Variants in RGS11 observed in about 807,000 individuals in gnomAD.
RGS11 encodes the protein regulator of G-protein signaling 11.
Under a neutral mutation model 71.1 loss-of-function variants are expected in RGS11, and 86 were observed. The observed-to-expected ratio is 1.21, with a 90% confidence interval of 1.02 to 1.45. RGS11 has a LOEUF of 1.45. RGS11 is among the 40% of genes most tolerant of loss of function. The pLI is 0.00. For missense variants in RGS11, 734 were observed against 635.1 expected, an observed-to-expected ratio of 1.16 and a Z score of -1.67; for synonymous variants, 298 against 254.2, an observed-to-expected ratio of 1.17 and a Z score of -1.64.
intron 15 of RGS11, chr16:269,902 G>A: frequency 3.3e-6 from 1 of 305,554 alleles, no homozygotes; most frequent in East Asian, 6.8e-5. Flanking sequence ...CAGAGTGAGG[G>A]CAGGGTTGTG....
rs755471668 is a variant in RGS11, at chr16:269,614, C to T, written c.1207-29G>A. The T allele has an allele frequency of 5.2e-6, 8 of 1,533,396 alleles. 1 individual carries two copies. The highest frequency in any genetic ancestry group is 3.4e-5 in the South Asian group (3 of 89,210). The allele number at this position is 1,533,396 out of a possible 1,614,324, so 95.0% of individuals were successfully genotyped here. A position where few individuals can be genotyped will look rare whatever the true frequency, so the allele number is the denominator to read the frequency against. On this transcript the variant is annotated intron_variant, in intron 15 of 16. Transcript: ENST00000397770. ...CAAGAGACAGCGTCCAGCCCCTGACCCTTCTGCCTCCTCACCTCTCAGCCA... is the reference window on the plus strand; with the variant it reads ...CAAGAGACAGCGTCCAGCCCCTGACTCTTCTGCCTCCTCACCTCTCAGCCA...
At chr16:273,869 C>A (rs374446561) in intron 6 of RGS11, 33 bp from the exon 7 acceptor site, 2 of 1,596,286 alleles carry the variant, frequency 1.3e-6, no homozygotes, top group Non-Finnish European at 1.7e-6. Flanking sequence ...TGGGTCACCC[C>A]GGCCCCTGCC....
rs372839428 is a variant in RGS11, at chr16:273,740, G to A, written c.506+20C>T. On this transcript the variant is annotated intron_variant, in intron 7 of 16. Transcript: ENST00000397770. ...TGGGTTGGGCGCCTGCAGGCGGGGC[G>A]GGGCAGGGCGGGGCCTCACCTCAGC... 1.6e-4 allele frequency: 253 copies of A among 1,604,350 alleles called. No individual in the cohort carries two copies. Among genetic ancestry groups the A allele is most frequent in the South Asian group, 7.8e-4 (71 of 90,868 alleles).
Position 274,958 on chromosome 16 carries a change from T to C in RGS11, c.318+18A>G. 6.5e-7 allele frequency: 1 copy of C among 1,542,398 alleles called. No individual in the cohort carries two copies. Among genetic ancestry groups the C allele is most frequent in the South Asian group, 1.2e-5 (1 of 82,682 alleles). ...GGTGGGGGTCCCACCGGCTCCCACCTGCACCCCCGAGCCTGACCTGGAACC... is the reference window on the plus strand; with the variant it reads ...GGTGGGGGTCCCACCGGCTCCCACCCGCACCCCCGAGCCTGACCTGGAACC... On this transcript the variant is annotated intron_variant, in intron 4 of 16. Coordinates refer to ENST00000397770, the MANE Select transcript of RGS11 (RefSeq NM_183337.3).
Position 275,884 on chromosome 16 carries a change from CG to C in RGS11, c.27del (p.Gly10AlafsTer10), listed in dbSNP as rs1383639558. 7.7e-5 allele frequency: 73 copies of C among 950,046 alleles called. No individual in the cohort carries two copies. The highest frequency in any genetic ancestry group is 1.9e-4 in the South Asian group (4 of 20,552). The allele number at this position is 950,046 out of a possible 1,614,324, so 58.9% of individuals were successfully genotyped here. ...TGCGGCATCTGCGCCCGGGGGCGGC[CG>C]GGGGGCGGCGCGGGGCCGGCGGCCA... MAAGPAPP[P>X]GRPRAQMPHL... is the part of the protein sequence containing the mutation. On this transcript the variant is annotated frameshift_variant, in exon 1 of 17. Coordinates refer to ENST00000397770, the MANE Select transcript of RGS11 (RefSeq NM_183337.3). LOFTEE classifies it high-confidence loss of function.
Position 271,452 on chromosome 16 carries a change from G to C in RGS11, c.696C>G (p.Tyr232Ter). Residue 232 changes from tyrosine to a stop codon, truncating the protein, a stop_gained, in exon 11 of 17, where the codon TAC becomes TAG. Transcript: ENST00000397770. LOFTEE classifies it high-confidence loss of function. ...SADFHKREIEYFRKALGRTRV... is the reference protein window; with the variant it reads ...SADFHKREIE ...GGGTCCTGCCCAGCGCTTTCCTGAA[G>C]TACTCGATCTAGGATGTGGGGCCTG... 6.2e-7 allele frequency: 1 copy of C among 1,613,950 alleles called. No individual in the cohort carries two copies. Among genetic ancestry groups the C allele is most frequent in the Non-Finnish European group, 8.5e-7 (1 of 1,180,022 alleles).
intron 3 of RGS11, 32 bp from the exon 4 acceptor site, chr16:275,114 C>T: frequency 1.3e-6 from 2 of 1,481,960 alleles, no homozygotes; most frequent in Admixed American, 2.3e-5. Context: ...AGCGCGGGGC[C>T]GCGGAAGCGG....
At chr16:274,776 G>C (rs755051348) in intron 4 of RGS11, 200 bp downstream of exon 4, 2 of 760,908 alleles carry the variant, frequency 2.6e-6, no homozygotes, top group South Asian at 2.9e-5. Flanking sequence ...CCATCCCTCA[G>C]CCGGGTCCTT....
chr16:273,665 C>G, intron 7 of RGS11, 95 bp downstream of exon 7: 1 of 1,515,114 alleles, frequency 6.6e-7, no homozygotes, highest in Non-Finnish European at 9.1e-7. Context: ...GTGCCCTCCA[C>G]GGTCCCAGGG....
chr16:274,456 C>T (rs1476318931), intron 4 of RGS11, 191 bp from the exon 5 acceptor site: 10 of 629,888 alleles, frequency 1.6e-5, no homozygotes, highest in African/African-American at 5.5e-5. Flanking sequence ...GAGGTCAACT[C>T]GCTCCTTAGG....
At position 271,588 on chromosome 16, in the gene RGS11, G is replaced by C. The variant is rs372183786; in HGVS notation, c.658-19C>G. 39 of 1,613,356 alleles carry C rather than the reference G, an allele frequency of 2.4e-5. No individual in the cohort carries two copies. The highest frequency in any genetic ancestry group is 3.0e-5 in the Non-Finnish European group (35 of 1,179,516). Reference sequence around the variant, plus strand: ...TCTTGGTCTAGAAGGGGATAGGTGGGCTGCAGTTAGATGCAGGTCCCCTGC... The same window carrying C: ...TCTTGGTCTAGAAGGGGATAGGTGGCCTGCAGTTAGATGCAGGTCCCCTGC... On this transcript the variant is annotated intron_variant, in intron 9 of 16. Coordinates refer to ENST00000397770, the MANE Select transcript of RGS11 (RefSeq NM_183337.3).
In RGS11 at chr16:272,077, C is replaced by A. The variant is rs189730312; in HGVS notation, c.658-508G>T. On this transcript the variant is annotated intron_variant, in intron 9 of 16. Coordinates refer to ENST00000397770, the MANE Select transcript of RGS11 (RefSeq NM_183337.3). ...TCTCGAACTCCTGAACTCAGGTGAT[C>A]TGCCCGCCTCAGCCTCCCAAAGTGC... 1.1e-3 allele frequency: 949 copies of A among 828,626 alleles called. 5 individuals are homozygous for A. The African/African-American group carries it at 0.016, about 14-fold the overall frequency. The allele number at this position is 828,626 out of a possible 1,614,324, so 51.3% of individuals were successfully genotyped here.
At position 275,478 on chromosome 16, in the gene RGS11, G is replaced by C; in HGVS notation, c.84C>G (p.Ser28Arg). The change falls in exon 2 of 17, where the codon AGC (serine) becomes AGG (arginine). Residue 28 changes from serine (S) to arginine (R), a missense_variant. Physicochemically the swap from Ser to Arg is moderately radical, Grantham distance 110. Transcript: ENST00000397770. The part of the protein sequence containing the change: ...HLRKMERVVV[S>R]MQDPDQGVKM... The stretch of plus-strand genomic sequence containing the variant: ...TCACGCCCTGGTCGGGGTCCTGCAT[G>C]CTCACGACCACCCGCTCCATCTGGG... 1 of 1,583,600 alleles carries C rather than the reference G, an allele frequency of 6.3e-7. No homozygotes were observed. The highest frequency in any genetic ancestry group is 1.7e-5 in the Admixed American group (1 of 57,506).
chr16:274,357 G>A (rs2052072976), intron 4 of RGS11, 92 bp from the exon 5 acceptor site: 2 of 1,401,046 alleles, frequency 1.4e-6, no homozygotes, highest in Admixed American at 2.0e-5. Flanking sequence ...GAAGAAGCCT[G>A]GGCTGGGCAG....
In RGS11 at chr16:270,746, G is replaced by A. The variant is rs146344053; in HGVS notation, c.1065C>T (p.Tyr355=). ...GGTGCCCACCACGCAGCACTTACTC[G>A]TACACGGCATCCACCAGGGTGGGGA... ...AQVPTLVDAV[Y]EQFLAPGAAH... The change falls in exon 14 of 17, where the codon TAC becomes TAT. Residue 355 remains tyrosine (Y), a splice_region_variant and synonymous_variant. Coordinates refer to ENST00000397770, the MANE Select transcript of RGS11 (RefSeq NM_183337.3). 87 of 1,612,334 alleles carry A rather than the reference G, an allele frequency of 5.4e-5. No individual in the cohort carries two copies. Among genetic ancestry groups the A allele is most frequent in the African/African-American group, 3.9e-4 (29 of 75,022 alleles).
Position 268,689 on chromosome 16 carries a change from G to A in RGS11, c.*580C>T, listed in dbSNP as rs779051131. 2.1e-5 allele frequency: 29 copies of A among 1,413,762 alleles called. No homozygotes were observed. The highest frequency in any genetic ancestry group is 1.0e-4 in the East Asian group (4 of 39,848). 87.6% of individuals were successfully genotyped at this position (1,413,762 alleles called of 1,614,324 possible). On this transcript the variant is annotated 3_prime_UTR_variant, in exon 17 of 17. Coordinates refer to ENST00000397770, the MANE Select transcript of RGS11 (RefSeq NM_183337.3). ...CACCTGTGGACAAATTCTGGAACGC[G>A]TTTGGCGAGGGAGGAATAGGCGCAG...
chr16:272,082 C>T (rs1024892461), intron 9 of RGS11: 9 of 898,638 alleles, frequency 1.0e-5, no homozygotes, highest in African/African-American at 8.9e-5. Context: ...GTGATCTGCC[C>T]GCCTCAGCCT....
chr16:269,319 CAG>C lies in RGS11; in HGVS notation c.1352_1353del (p.Pro451ArgfsTer26). On this transcript the variant is annotated frameshift_variant, in exon 17 of 17. Coordinates refer to ENST00000397770, the MANE Select transcript of RGS11 (RefSeq NM_183337.3). LOFTEE classifies it low-confidence loss of function (END_TRUNC). The part of the protein sequence containing the change: ...SSPSPALLPT[P>X]VEPTAACGPG... ...GGGCCACAAGCCGCTGTGGGCTCCA[CAG>C]GGGTGGGAAGGAGTGCAGGGCTGGG... The C allele has an allele frequency of 1.3e-6, 2 of 1,599,210 alleles. No homozygotes were observed. Among genetic ancestry groups the C allele is most frequent in the South Asian group, 1.1e-5 (1 of 88,584 alleles).
At position 269,051 on chromosome 16, in the gene RGS11, C is replaced by T; in HGVS notation, c.*218G>A. 2 of 1,106,650 alleles carry T rather than the reference C, an allele frequency of 1.8e-6. No homozygotes were observed. The highest frequency in any genetic ancestry group is 2.7e-5 in the South Asian group (2 of 74,466). 68.6% of individuals were successfully genotyped at this position (1,106,650 alleles called of 1,614,324 possible). ...CCAAGCTGAGCCAATGAACCCCCTC[C>T]CTGGGAATCCACACCTGGACCCATT... On this transcript the variant is annotated 3_prime_UTR_variant, in exon 17 of 17. Coordinates refer to ENST00000397770, the MANE Select transcript of RGS11 (RefSeq NM_183337.3).
Sources: gnomAD v4.1 joint callset for allele counts on GRCh38, gnomAD v4.1.1 for gene constraint, MANE v1.5 for transcripts, NCBI Gene and HGNC (gene_info 2026-07-23, HGNC 2026-07-21) for gene names.